DGKH: variants seen among roughly 807,000 people sequenced by gnomAD.
DGKH encodes the protein DAG kinase eta.
A neutral mutation model predicts 159.3 loss-of-function variants in DGKH; 90 were observed. The observed-to-expected ratio is 0.57, with a 90% CI of 0.48 to 0.67. The LOEUF (loss-of-function observed/expected upper bound fraction) is 0.67, where lower values mean the gene tolerates loss of function less well. DGKH is among the 30% of genes least tolerant of loss of function. The pLI is 0.00. For missense variants in DGKH, 1,181 were observed against 1,506.1 expected (o/e 0.78, Z 3.57); for synonymous variants, 536 against 553.8 (o/e 0.97, Z 0.45).
At chr13:42,202,897 G>C (rs1566187262) in intron 20 of DGKH, among the ~76,000 whole-genome samples, 2 of 152,128 alleles carry the variant, frequency 1.3e-5, no homozygotes, top group Non-Finnish European at 2.9e-5. Flanking sequence ...TAAGGAGACT[G>C]TTCTATTTAT....
At chr13:42,122,916 A>G (rs1229868508) in intron 1 of DGKH, among the ~76,000 whole-genome samples, 3 of 152,234 alleles carry the variant, frequency 2.0e-5, no homozygotes, top group Non-Finnish European at 4.4e-5. Context: ...ACTAAGAATT[A>G]TAATTACTTT....
At position 42,210,515 on chromosome 13, in the gene DGKH, A is replaced by G. The variant is rs557788584; in HGVS notation, c.2851-87A>G. 3 of 1,310,480 alleles carry G rather than the reference A, an allele frequency of 2.3e-6. No individual in the cohort carries two copies. In the South Asian group the frequency reaches 4.4e-5, roughly 19 times the overall value. The allele number at this position is 1,310,480 out of a possible 1,614,324, so 81.2% of individuals were successfully genotyped here. The stretch of plus-strand genomic sequence containing the variant: ...TTTATTTGAGGAGTCATTAGAGAAA[A>G]AGCAATTGTAGTTTTATTAAAGCAC... On this transcript the variant is annotated intron_variant, in intron 23 of 29. Transcript: ENST00000337343.
intron 3 of DGKH, among the ~76,000 whole-genome samples, chr13:42,153,114 T>C (rs971647147): frequency 1.7e-4 from 26 of 152,226 alleles, no homozygotes; most frequent in Non-Finnish European, 1.8e-4. Flanking sequence ...TACTGTTCAC[T>C]TTAAAACAAG....
At chr13:42,186,020 TGTG>T (rs1956916997) in intron 13 of DGKH, among the ~76,000 whole-genome samples, 1 of 127,218 alleles carries the variant, frequency 7.9e-6, no homozygotes, top group Non-Finnish European at 1.8e-5. Flanking sequence ...GGTGTGTGTG[TGTG>T]TGTGTGTGTG....
chr13:42,254,452 T>C (rs951421778), intron 30 of DGKH, among the ~76,000 whole-genome samples: 2 of 152,066 alleles, frequency 1.3e-5, no homozygotes, highest in African/African-American at 4.8e-5. Flanking sequence ...GCCAACATGG[T>C]GATACCCTGT....
intron 5 of DGKH, among the ~76,000 whole-genome samples, 194 bp from the exon 6 acceptor site, chr13:42,159,072 T>C (rs556947097): frequency 2.0e-5 from 3 of 152,254 alleles, no homozygotes; most frequent in African/African-American, 4.8e-5. Flanking sequence ...AAGTGCTTCA[T>C]AAATACATAG....
At chr13:42,083,805 A>G (rs889773835) in intron 1 of DGKH, among the ~76,000 whole-genome samples, 8 of 152,244 alleles carry the variant, frequency 5.3e-5, no homozygotes, top group African/African-American at 1.9e-4. Flanking sequence ...AACAGGCTAA[A>G]TAAAAAGAGA....
At chr13:42,226,165 A>G (rs1594243810) in intron 29 of DGKH, among the ~76,000 whole-genome samples, 2 of 152,356 alleles carry the variant, frequency 1.3e-5, no homozygotes, top group South Asian at 4.1e-4. Context: ...TTTCAAAAGA[A>G]GACATGTGGC....
chr13:42,173,982 T>TGTGTGC lies in DGKH; in HGVS notation c.1368-77_1368-76insTGTGCG, dbSNP rs140630635. Reference sequence around the variant, plus strand: ...GTGCGTGCGTGTGTGTGTGTGTGTGTGCGCGTTTATGAGATGCTAACAGTT... The same window carrying TGTGTGC: ...GTGCGTGCGTGTGTGTGTGTGTGTGTGTGTGCGCGCGTTTATGAGATGCTAACAGTT... On this transcript the variant is annotated intron_variant, in intron 11 of 29. Transcript: ENST00000337343. 5.3e-5 allele frequency: 43 copies of TGTGTGC among 811,652 alleles called. 1 individual carries two copies. The highest frequency in any genetic ancestry group is 2.3e-4 in the South Asian group (15 of 66,070). 50.3% of individuals were successfully genotyped at this position (811,652 alleles called of 1,614,324 possible).
rs552008733 is a variant in DGKH at position 42,059,354 on chromosome 13, A to G, written c.192+10389A>G. ...AGCCTCTGCCTCTGGGGTTTAAGCG[A>G]TTCTCCTGCCTCAGCCTCCCAAGTA... On this transcript the variant is annotated intron_variant, in intron 1 of 29. Transcript: ENST00000337343. Among the ~76,000 whole-genome samples the G allele has an allele frequency of 5.3e-5, 8 of 151,682 alleles. No homozygotes were observed. In the East Asian group the frequency reaches 1.2e-3, roughly 22 times the overall value.
At position 42,187,031 on chromosome 13, in the gene DGKH, A is replaced by C; in HGVS notation, c.1539-18A>C. 1 of 1,605,750 alleles carries C rather than the reference A, an allele frequency of 6.2e-7. No homozygotes were observed. The highest frequency in any genetic ancestry group is 8.5e-7 in the Non-Finnish European group (1 of 1,173,194). On this transcript the variant is annotated intron_variant, in intron 13 of 29. Transcript: ENST00000337343. ...ATTCATGAAGCTTACTAAATTGTACAACTTCTTTTCCTCAAAGGACGCTAT... is the reference window on the plus strand; with the variant it reads ...ATTCATGAAGCTTACTAAATTGTACCACTTCTTTTCCTCAAAGGACGCTAT...
In DGKH at chr13:42,236,543, A is replaced by C. The variant is rs560062895; in HGVS notation, c.*7355A>C. ...ATATGTATTTTATCTTCATGTCACAACTTATTTTCTGTAGCCAATTCTCAG... is the reference window on the plus strand; with the variant it reads ...ATATGTATTTTATCTTCATGTCACACCTTATTTTCTGTAGCCAATTCTCAG... On this transcript the variant is annotated 3_prime_UTR_variant, in exon 30 of 30. Transcript: ENST00000337343. 6.6e-6 allele frequency: 1 copy of C among 152,332 alleles called. No individual in the cohort carries two copies. The highest frequency in any genetic ancestry group is 2.4e-5 in the African/African-American group (1 of 41,574). The allele number at this position is 152,332 out of a possible 1,614,324, so 9.4% of individuals were successfully genotyped here. A position where few individuals can be genotyped will look rare whatever the true frequency, so the allele number is the denominator to read the frequency against.
intron 29 of DGKH, among the ~76,000 whole-genome samples, chr13:42,222,773 CTG>C (rs1014107732): frequency 5.4e-4 from 82 of 152,228 alleles, no homozygotes; most frequent in Admixed American, 1.8e-3. Flanking sequence ...AGGGAAAAGA[CTG>C]TGTGTGTATG....
At chr13:42,253,569 T>G (rs959741148) in intron 30 of DGKH, among the ~76,000 whole-genome samples, 6 of 152,204 alleles carry the variant, frequency 3.9e-5, no homozygotes, top group African/African-American at 1.2e-4. Context: ...GTGCTGCCCT[T>G]TGGTGTTTTA....
chr13:42,178,309 T>G, intron 13 of DGKH, 89 bp downstream of exon 13: 2 of 1,011,418 alleles, frequency 2.0e-6, no homozygotes, highest in Non-Finnish European at 2.8e-6. Flanking sequence ...GTGAGTTTTC[T>G]TCTCAAAAAA....
At chr13:42,137,646 A>G (rs1163299017) in intron 3 of DGKH, among the ~76,000 whole-genome samples, 3 of 152,222 alleles carry the variant, frequency 2.0e-5, no homozygotes, top group African/African-American at 7.2e-5. Flanking sequence ...GCAGAGTCTT[A>G]TGCTGCATCA....
At chr13:42,110,480 G>A (rs1322717522) in intron 1 of DGKH, among the ~76,000 whole-genome samples, 3 of 152,210 alleles carry the variant, frequency 2.0e-5, no homozygotes. Flanking sequence ...GGCCATGGGG[G>A]AAAGTGGTTG....
At chr13:42,104,014 C>T (rs534682075) in intron 1 of DGKH, among the ~76,000 whole-genome samples, 3 of 152,266 alleles carry the variant, frequency 2.0e-5, no homozygotes, top group Admixed American at 1.3e-4. Context: ...GCTCAAATAA[C>T]ATCAAAGTTT....
chr13:42,044,416 A>C (rs1235639617), upstream of DGKH, among the ~76,000 whole-genome samples: 1 of 152,018 alleles, frequency 6.6e-6, no homozygotes, highest in Admixed American at 6.6e-5. Context: ...CAGCCTCCCA[A>C]GTAGCTGGGA....
Sources: gnomAD v4.1 joint callset for allele counts (sites outside exome capture counted in the v4.1 genomes callset) on GRCh38, gnomAD v4.1.1 for gene constraint, MANE v1.5 for transcripts, NCBI Gene and HGNC (gene_info 2026-07-23, HGNC 2026-07-21) for gene names.